POLQ: variants seen among roughly 807,000 people sequenced by gnomAD.
POLQ encodes DNA polymerase theta.
POLQ carries 233 observed loss-of-function variants against 259.2 expected under a neutral mutation model. The ratio of observed to expected loss-of-function variants is 0.90; its 90% CI spans 0.81 to 1.00. The LOEUF (loss-of-function observed/expected upper bound fraction) is 1.00, where lower values mean the gene tolerates loss of function less well. Among genes scored for constraint, POLQ ranks in the 50% least tolerant of loss-of-function variants. POLQ has a pLI of 0.00. For synonymous variants in POLQ, 1,025 were observed against 1,048.8 expected, an observed-to-expected ratio of 0.98 and a Z score of 0.44; for missense variants, 2,871 against 3,051.6, an observed-to-expected ratio of 0.94 and a Z score of 1.39.
At chr3:121,523,241 A>G (rs913190829) in intron 7 of POLQ, among the ~76,000 whole-genome samples, 1 of 151,980 alleles carries the variant, frequency 6.6e-6, no homozygotes, top group Non-Finnish European at 1.5e-5. Flanking sequence ...GCTGGTTTCA[A>G]ATTCCTGGGC....
intron 1 of POLQ, 63 bp downstream of exon 1, chr3:121,545,652 T>C (rs1297773686): frequency 6.8e-7 from 1 of 1,469,358 alleles, no homozygotes. Context: ...TGAGGACACC[T>C]CCCGACCCAT....
chr3:121,469,118 G>A (rs569059650), intron 22 of POLQ, among the ~76,000 whole-genome samples: 2 of 150,850 alleles, frequency 1.3e-5, no homozygotes, highest in South Asian at 4.2e-4. Flanking sequence ...AACCTGGGAG[G>A]CGGAGGTTGC....
rs752884626 is a variant in POLQ, at chr3:121,432,963, G to C, written c.7614C>G (p.Leu2538=). 1.2e-6 allele frequency: 2 copies of C among 1,611,202 alleles called. No homozygotes were observed. Among genetic ancestry groups the C allele is most frequent in the Admixed American group, 3.3e-5 (2 of 60,010 alleles). ...CCACTTCATATAGGAGTTCATCATG[G>C]AGTTGAAGGATGAAGAAGCCTCCTC... ...PIRGGFFILQ[L]HDELLYEVAE... Residue 2538 remains leucine, a synonymous_variant, in exon 29 of 30, where the codon CTC becomes CTG. Coordinates refer to ENST00000264233, the MANE Select transcript of POLQ (RefSeq NM_199420.4).
rs768241752 is a variant in POLQ at position 121,483,559 on chromosome 3, G to A, written c.5797C>T (p.Pro1933Ser). The A allele has an allele frequency of 1.5e-5, 23 of 1,534,618 alleles. No homozygotes were observed. Among genetic ancestry groups the A allele is most frequent in the African/African-American group, 5.7e-5 (4 of 70,442 alleles). Residue 1933 changes from proline (P) to serine (S), a missense_variant, in exon 18 of 30, where the codon CCT (proline) becomes TCT (serine). Around this residue, in one of 3 missense-constraint regions of POLQ, gnomAD observed 2,080 missense variants for 2,126.0 expected, o/e 0.98. Coordinates refer to ENST00000264233, the MANE Select transcript of POLQ (RefSeq NM_199420.4). ...AAAGTCAGGCTTGGATCTAAAGAAG[G>A]TGGAACCAAACTGGCACTAATTTCT... The part of the protein sequence containing the change: ...HSEISASLVP[P>S]SLDPSLTLKD...
At chr3:121,514,819 G>A (rs1312564916) in intron 9 of POLQ, among the ~76,000 whole-genome samples, 2 of 152,140 alleles carry the variant, frequency 1.3e-5, no homozygotes, top group East Asian at 1.9e-4. Context: ...AAGCCAAACT[G>A]ATCACTTCTA....
chr3:121,509,854 C>T, intron 11 of POLQ, 151 bp from the exon 12 acceptor site: 1 of 878,602 alleles, frequency 1.1e-6, no homozygotes, highest in Non-Finnish European at 1.8e-6. Context: ...TATGAGCAGG[C>T]TCTATCATAA....
chr3:121,529,212 A>T (rs200889132), intron 7 of POLQ, among the ~76,000 whole-genome samples: 1 of 27,314 alleles, frequency 3.7e-5, no homozygotes, highest in East Asian at 0.014. Context: ...ATGTCATTCA[A>T]GGGTCAACTT....
intron 22 of POLQ, among the ~76,000 whole-genome samples, chr3:121,470,671 C>G (rs2047876274): frequency 6.6e-6 from 1 of 152,202 alleles, no homozygotes; most frequent in Non-Finnish European, 1.5e-5. Flanking sequence ...AGTGCAGTGG[C>G]TCAATCACAG....
chr3:121,531,128 G>A (rs933061308), intron 6 of POLQ, among the ~76,000 whole-genome samples: 12 of 152,110 alleles, frequency 7.9e-5, no homozygotes, highest in South Asian at 2.1e-4. Flanking sequence ...CGGAGGTTGC[G>A]GTGAGCTGAG....
At chr3:121,493,099 C>G (rs973366402) in intron 15 of POLQ, among the ~76,000 whole-genome samples, 1 of 151,958 alleles carries the variant, frequency 6.6e-6, no homozygotes, top group Non-Finnish European at 1.5e-5. Flanking sequence ...GTCAGGAGTT[C>G]AAGACCAGCC....
At chr3:121,542,369 G>A (rs780356898) in intron 2 of POLQ, among the ~76,000 whole-genome samples, 1 of 152,058 alleles carries the variant, frequency 6.6e-6, no homozygotes, top group Non-Finnish European at 1.5e-5. Context: ...TAGCATGGGT[G>A]ATACAGTGAG....
chr3:121,453,019 C>T (rs896688761), intron 25 of POLQ, among the ~76,000 whole-genome samples: 3 of 152,214 alleles, frequency 2.0e-5, no homozygotes, highest in African/African-American at 7.2e-5. Flanking sequence ...CCTCACACGG[C>T]TGGGTACTCC....
intron 1 of POLQ, 38 bp from the exon 2 acceptor site, chr3:121,544,944 T>A: frequency 1.5e-6 from 2 of 1,320,738 alleles, no homozygotes; most frequent in Non-Finnish European, 2.1e-6. Flanking sequence ...TTAATTTACT[T>A]CTAATATATG....
intron 19 of POLQ, among the ~76,000 whole-genome samples, chr3:121,477,001 ATTTCTCCTAAGATG>A (rs1396830819): frequency 7.9e-5 from 12 of 152,322 alleles, no homozygotes; most frequent in African/African-American, 2.6e-4. Flanking sequence ...AAGAGACTGT[ATTTCTCCTAAGATG>A]TTTCTGCTTC....
chr3:121,509,648 A>G lies in POLQ; in HGVS notation c.1872T>C (p.Ser624=). The change falls in exon 12 of 30, where the codon TCT becomes TCC. Residue 624 remains serine, a synonymous_variant. Coordinates refer to ENST00000264233, the MANE Select transcript of POLQ (RefSeq NM_199420.4). The part of the protein sequence containing the change: ...LGSATLSSSL[S]PADTLDIFAD... ...CAAAAATATCTAAAGTATCAGCTGG[A>G]GAAAGTGAAGAAGAAAGAGTGGCCG... 1 of 1,613,778 alleles carries G rather than the reference A, an allele frequency of 6.2e-7. No homozygotes were observed. Among genetic ancestry groups the G allele is most frequent in the Non-Finnish European group, 8.5e-7 (1 of 1,179,676 alleles).
In POLQ at chr3:121,481,801, C is replaced by T. The variant is rs1326605340; in HGVS notation, c.5982G>A (p.Trp1994Ter). 4 of 1,610,138 alleles carry T rather than the reference C, an allele frequency of 2.5e-6. No homozygotes were observed. Among genetic ancestry groups the T allele is most frequent in the Non-Finnish European group, 3.4e-6 (4 of 1,177,328 alleles). The change falls in exon 19 of 30, where the codon TGG becomes TGA. Residue 1994 changes from tryptophan to a stop codon, truncating the protein, a stop_gained. Transcript: ENST00000264233. LOFTEE classifies it high-confidence loss of function. Reference sequence around the variant, plus strand: ...GCTCCTGAGAATCTGGATCTAGTAACCAGCATGCCACCTGAATGGGATAGC... The same window carrying T: ...GCTCCTGAGAATCTGGATCTAGTAATCAGCATGCCACCTGAATGGGATAGC... ...QSYEDPKVAC[W>*]LLDPDSQEPT...
In POLQ at chr3:121,487,656, G is replaced by T; in HGVS notation, c.5275C>A (p.Pro1759Thr). ...TGTAAAACATTATTAGTTTTCCAAG[G>T]GTTTACAGGTGTTTCAAGAATCCCT... ...FPGILETPVN[P>T]WKTNNVLQPG... The change falls in exon 16 of 30, where the codon CCT (proline) becomes ACT (threonine). Residue 1759 changes from proline to threonine, a missense_variant. This residue lies in a region of POLQ where 2,080 missense variants were observed against 2,126.0 expected (regional missense o/e 0.98). Coordinates refer to ENST00000264233, the MANE Select transcript of POLQ (RefSeq NM_199420.4). The T allele has an allele frequency of 6.2e-6, 10 of 1,613,694 alleles. No homozygotes were observed. Among genetic ancestry groups the T allele is most frequent in the Non-Finnish European group, 8.5e-6 (10 of 1,179,704 alleles).
Position 121,476,595 on chromosome 3 carries a change from G to A in POLQ, c.6350C>T (p.Ala2117Val). The A allele has an allele frequency of 1.9e-6, 3 of 1,613,902 alleles. No homozygotes were observed. The highest frequency in any genetic ancestry group is 2.5e-6 in the Non-Finnish European group (3 of 1,179,878). ...AAAACTGTGGCCAGCTAGTTGATAG[G>A]CCTGGGTCTCAATTGCATCCAGCTT... ...QAKLDAIETQAYQLAGHSFSF... is the reference protein window; with the variant it reads ...QAKLDAIETQVYQLAGHSFSF... Residue 2117 changes from alanine to valine, a missense_variant, in exon 20 of 30, where the codon GCC becomes GTC. Coordinates refer to ENST00000264233, the MANE Select transcript of POLQ (RefSeq NM_199420.4).
chr3:121,433,377 G>T (rs1003213355), intron 28 of POLQ, among the ~76,000 whole-genome samples: 1 of 152,190 alleles, frequency 6.6e-6, no homozygotes, highest in East Asian at 1.9e-4. Context: ...GCACCAGGGA[G>T]GTATGGGGCC....
Sources: allele counts gnomAD v4.1 joint callset (sites outside exome capture counted in the v4.1 genomes callset), GRCh38; gene constraint gnomAD v4.1.1; regional missense constraint gnomAD v4.1.1; transcripts MANE v1.5; gene names NCBI Gene and HGNC (gene_info 2026-07-23, HGNC 2026-07-21).